The following PRKN variants were observed in gnomAD, a reference collection of about 807,000 sequenced individuals.
PRKN encodes E3 ubiquitin-protein ligase parkin.
In PRKN, 56 loss-of-function variants were observed where a neutral mutation model predicts 59.5. That is an observed-to-expected ratio of 0.94 (90% CI 0.76 to 1.18). PRKN has a LOEUF of 1.18. PRKN is among the 50% of genes most tolerant of loss of function. The pLI, the probability that PRKN is intolerant of heterozygous loss-of-function variation, is 0.00. For missense variants in PRKN, 657 were observed against 596.4 expected (o/e 1.10, Z -1.06); for synonymous variants, 250 against 222.1 (o/e 1.13, Z -1.12).
intron 9 of PRKN, among the ~76,000 whole-genome samples, chr6:161,398,500 C>T (rs576934256): frequency 6.6e-6 from 1 of 152,236 alleles, no homozygotes; most frequent in Admixed American, 6.5e-5. Context: ...TTGTATGCAC[C>T]ATTTAGAGAC....
intron 1 of PRKN, among the ~76,000 whole-genome samples, chr6:162,558,076 C>A (rs1056083361): frequency 1.3e-5 from 2 of 152,172 alleles, no homozygotes; most frequent in African/African-American, 4.8e-5. Context: ...GTATCTATAT[C>A]TCTCCTTTTA....
intron 6 of PRKN, among the ~76,000 whole-genome samples, chr6:161,866,553 C>T (rs917489637): frequency 5.3e-5 from 8 of 151,898 alleles, no homozygotes; most frequent in South Asian, 2.1e-4. Flanking sequence ...CTAGCCTGGG[C>T]GACAGAGTAA....
At chr6:162,236,732 T>A (rs1339353310) in intron 3 of PRKN, among the ~76,000 whole-genome samples, 1 of 151,516 alleles carries the variant, frequency 6.6e-6, no homozygotes, top group Non-Finnish European at 1.5e-5. Context: ...GACGCAGAGG[T>A]TGCAGTGAGC....
intron 1 of PRKN, among the ~76,000 whole-genome samples, chr6:162,651,119 CTTTG>C (rs149491590): frequency 0.014 from 2,178 of 152,112 alleles, 29 homozygotes; most frequent in East Asian, 0.04. Context: ...CACAATATGG[CTTTG>C]TTTGTTTGTT....
At position 162,558,327 on chromosome 6, in the gene PRKN, C is replaced by CTTTTTT. The variant is rs71278562; in HGVS notation, c.8-114860_8-114855dup. On this transcript the variant is annotated intron_variant, in intron 1 of 11. Coordinates refer to ENST00000366898, the MANE Select transcript of PRKN (RefSeq NM_004562.3). ...TTTTAAGCAAATGCTTTAATTTTCC[C>CTTTTTT]TTTTTTTTTTTTTTTTTCTGAGACG... 1.7e-4 allele frequency among the ~76,000 whole-genome samples: 23 copies of CTTTTTT among 132,742 alleles called. 3 individuals are homozygous for CTTTTTT. Among genetic ancestry groups the CTTTTTT allele is most frequent in the South Asian group, 7.3e-4 (3 of 4,088 alleles). 87.1% of individuals were successfully genotyped at this position (132,742 alleles called of 152,430 possible). A position where few individuals can be genotyped will look rare whatever the true frequency, so the allele number is the denominator to read the frequency against.
intron 1 of PRKN, among the ~76,000 whole-genome samples, chr6:162,576,766 T>C (rs1466014515): frequency 1.5e-5 from 2 of 133,804 alleles, no homozygotes. Context: ...TGAGACAAGA[T>C]GGTGCTACTG....
chr6:162,066,491 A>AG (rs1465048162), intron 4 of PRKN, among the ~76,000 whole-genome samples: 2 of 152,122 alleles, frequency 1.3e-5, no homozygotes, highest in Non-Finnish European at 2.9e-5. Context: ...CAGTGTTAGG[A>AG]GGGGGGCCTA....
intron 1 of PRKN, among the ~76,000 whole-genome samples, chr6:162,726,427 A>C (rs1277774056): frequency 6.6e-6 from 1 of 152,174 alleles, no homozygotes; most frequent in Non-Finnish European, 1.5e-5. Context: ...GAAGACTCAT[A>C]AAAAATATTT....
At chr6:161,848,000 TAGGGAAG>T (rs780643996) in intron 6 of PRKN, among the ~76,000 whole-genome samples, 11 of 152,140 alleles carry the variant, frequency 7.2e-5, no homozygotes, top group Non-Finnish European at 1.5e-4. Context: ...GTTAGAGCTG[TAGGGAAG>T]ATTTAGGTCA....
intron 1 of PRKN, among the ~76,000 whole-genome samples, chr6:162,630,203 T>A (rs1021266142): frequency 6.6e-6 from 1 of 152,136 alleles, no homozygotes; most frequent in East Asian, 1.9e-4. Flanking sequence ...AAAAGATTAC[T>A]GAGTATATAA....
chr6:162,329,629 A>G lies in PRKN; in HGVS notation c.172-66864T>C, dbSNP rs192922610. Among the ~76,000 whole-genome samples, 1,091 of 152,230 alleles carry G rather than the reference A, an allele frequency of 7.2e-3. 7 individuals are homozygous for G. The highest frequency in any genetic ancestry group is 0.021 in the African/African-American group (858 of 41,506). ...CTTTGTTTATTTTTGAGAGGAATAT[A>G]AAGGGGAACTAAGAACAAACTTTTG... is the stretch of plus-strand genomic sequence containing the variant. On this transcript the variant is annotated intron_variant, in intron 2 of 11. Coordinates refer to ENST00000366898, the MANE Select transcript of PRKN (RefSeq NM_004562.3).
chr6:161,797,815 T>C (rs1327518785), intron 6 of PRKN, among the ~76,000 whole-genome samples: 3 of 152,248 alleles, frequency 2.0e-5, no homozygotes, highest in Non-Finnish European at 2.9e-5. Flanking sequence ...TTGTTTTTGC[T>C]TGTTTTACGT....
At chr6:162,484,426 A>G (rs1224541907) in intron 1 of PRKN, among the ~76,000 whole-genome samples, 1 of 152,156 alleles carries the variant, frequency 6.6e-6, no homozygotes, top group East Asian at 1.9e-4. Flanking sequence ...TTGATACTGT[A>G]ACTAGATATA....
intron 1 of PRKN, among the ~76,000 whole-genome samples, chr6:162,444,708 C>G (rs1790225480): frequency 6.6e-6 from 1 of 152,052 alleles, no homozygotes; most frequent in Non-Finnish European, 1.5e-5. Context: ...TAATATTCAC[C>G]ACATTCCTCA....
At chr6:162,515,759 G>A (rs1026173170) in intron 1 of PRKN, among the ~76,000 whole-genome samples, 2 of 151,878 alleles carry the variant, frequency 1.3e-5, no homozygotes, top group African/African-American at 4.8e-5. Context: ...TTCTGTTCAT[G>A]GAGTTATTAA....
intron 1 of PRKN, among the ~76,000 whole-genome samples, chr6:162,529,426 T>C (rs1380266239): frequency 6.6e-6 from 1 of 152,148 alleles, no homozygotes; most frequent in East Asian, 1.9e-4. Context: ...AATGGAAAAT[T>C]ATAAAGACGA....
rs184262649 is a variant in PRKN at position 162,442,956 on chromosome 6, G to A, written c.171+354C>T. On this transcript the variant is annotated intron_variant, in intron 2 of 11. Transcript: ENST00000366898. ...CAGCCTGATTGGGAACAATTTATTC[G>A]AATCCTTCTTCGTTAAGATTCAAAT... Among the ~76,000 whole-genome samples, 811 of 152,182 alleles carry A rather than the reference G, an allele frequency of 5.3e-3. 5 individuals carry two copies. The highest frequency in any genetic ancestry group is 0.018 in the African/African-American group (748 of 41,522).
chr6:161,421,776 A>G (rs1788120219), intron 9 of PRKN, among the ~76,000 whole-genome samples: 1 of 152,224 alleles, frequency 6.6e-6, no homozygotes, highest in Non-Finnish European at 1.5e-5. Flanking sequence ...TGAAGAGTTT[A>G]AAAAGTATTT....
At chr6:162,194,993 G>C (rs1395486875) in intron 4 of PRKN, among the ~76,000 whole-genome samples, 1 of 152,156 alleles carries the variant, frequency 6.6e-6, no homozygotes, top group Non-Finnish European at 1.5e-5. Flanking sequence ...GTGGCGTGAA[G>C]GGCGACAGTG....
Sources: allele counts gnomAD v4.1 joint callset (sites outside exome capture counted in the v4.1 genomes callset), GRCh38; gene constraint gnomAD v4.1.1; transcripts MANE v1.5; gene names NCBI Gene and HGNC (gene_info 2026-07-23, HGNC 2026-07-21).